GAPVD1: variants seen among roughly 807,000 people sequenced by gnomAD.
GAPVD1 encodes GTPase-activating protein and VPS9 domain-containing protein 1.
GAPVD1 carries 35 observed loss-of-function variants against 155.5 expected under a neutral mutation model. The ratio of observed to expected loss-of-function variants is 0.23; its 90% confidence interval spans 0.17 to 0.30. The LOEUF is 0.30. Ranked by LOEUF, GAPVD1 falls within the 10% of genes least tolerant of loss-of-function variation. The pLI, the probability that GAPVD1 is intolerant of heterozygous loss-of-function variation, is 1.00. For synonymous variants in GAPVD1, 636 were observed against 619.7 expected, an observed-to-expected ratio of 1.03 and a Z score of -0.39; for missense variants, 1,429 against 1,775.7, an observed-to-expected ratio of 0.80 and a Z score of 3.51.
chr9:125,338,977 T>G (rs1847454440), intron 17 of GAPVD1, among the ~76,000 whole-genome samples: 1 of 151,182 alleles, frequency 6.6e-6, no homozygotes, highest in Admixed American at 6.6e-5. Flanking sequence ...TTTTTGTTGT[T>G]GTTGTGGTTT....
chr9:125,267,328 C>T (rs1834133709), intron 1 of GAPVD1, among the ~76,000 whole-genome samples: 1 of 152,196 alleles, frequency 6.6e-6, no homozygotes, highest in Non-Finnish European at 1.5e-5. Flanking sequence ...TATCAGGGAT[C>T]ATTGCAGTCT....
At chr9:125,324,208 T>A (rs1844803368) in intron 11 of GAPVD1, among the ~76,000 whole-genome samples, 1 of 152,144 alleles carries the variant, frequency 6.6e-6, no homozygotes, top group Non-Finnish European at 1.5e-5. Context: ...CTCAAGGAAC[T>A]TAGAATAGGG....
intron 5 of GAPVD1, among the ~76,000 whole-genome samples, chr9:125,303,666 C>CT (rs1841311234): frequency 6.6e-6 from 1 of 151,132 alleles, no homozygotes; most frequent in Admixed American, 6.6e-5. Flanking sequence ...ATCCCAGTTA[C>CT]TTGGGAGGCT....
rs565847395 is a variant in GAPVD1, at chr9:125,265,384, C to G, written c.-199+3425C>G. Among the ~76,000 whole-genome samples the G allele has an allele frequency of 5.9e-5, 9 of 151,698 alleles. No homozygotes were observed. The South Asian group carries it at 1.9e-3, about 32-fold the overall frequency. ...TTACCAAGTAGCTAGGACTATAGGT[C>G]GGCACCACCACACCTGGCATTGTTT... On this transcript the variant is annotated intron_variant, in intron 1 of 27. Transcript: ENST00000297933.
chr9:125,266,314 ATTTTATTTTT>A (rs903327294), intron 1 of GAPVD1, among the ~76,000 whole-genome samples: 15 of 149,550 alleles, frequency 1.0e-4, no homozygotes, highest in East Asian at 3.9e-4. Flanking sequence ...ATTTTATTTT[ATTTTATTTTT>A]TTTTTTTTAG....
intron 6 of GAPVD1, among the ~76,000 whole-genome samples, chr9:125,305,569 C>T (rs998161123): frequency 1.3e-5 from 2 of 152,126 alleles, no homozygotes; most frequent in South Asian, 4.1e-4. Flanking sequence ...CGGGGTTTCA[C>T]CTTCTTGGCC....
At chr9:125,293,884 A>ATATATATT (rs1839350067) in intron 2 of GAPVD1, among the ~76,000 whole-genome samples, 1 of 22,678 alleles carries the variant, frequency 4.4e-5, no homozygotes, top group African/African-American at 1.7e-4. Flanking sequence ...ATATATATAT[A>ATATATATT]TATATATATA....
At position 125,349,429 on chromosome 9, in the gene GAPVD1, G is replaced by A. The variant is rs775868907; in HGVS notation, c.3209G>A (p.Arg1070His). 51 of 1,613,602 alleles carry A rather than the reference G, an allele frequency of 3.2e-5. No individual in the cohort carries two copies. Among genetic ancestry groups the A allele is most frequent in the East Asian group, 1.6e-4 (7 of 44,878 alleles). ...GDGESAHDSPRDEALQNISAD... is the reference protein window; with the variant it reads ...GDGESAHDSPHDEALQNISAD... ...GGTGAAAGTGCACATGATTCTCCCCGTGACGAAGCACTGCAGAACATCTCG... is the reference window on the plus strand; with the variant it reads ...GGTGAAAGTGCACATGATTCTCCCCATGACGAAGCACTGCAGAACATCTCG... The change falls in exon 21 of 28, where the codon CGT becomes CAT. Residue 1070 changes from arginine to histidine, a missense_variant. Transcript: ENST00000297933.
chr9:125,309,962 C>G, intron 8 of GAPVD1: 1 of 469,198 alleles, frequency 2.1e-6, no homozygotes, highest in South Asian at 1.6e-5. Context: ...GCCTGGGATT[C>G]CTCAGCTACC....
At chr9:125,336,897 C>T in intron 15 of GAPVD1, 121 bp from the exon 16 acceptor site, 1 of 597,132 alleles carries the variant, frequency 1.7e-6, no homozygotes, top group South Asian at 2.2e-5. Flanking sequence ...TTCTGGTATG[C>T]CTCTCAAGTT....
intron 15 of GAPVD1, among the ~76,000 whole-genome samples, chr9:125,335,706 C>G (rs1846823089): frequency 6.6e-6 from 1 of 151,890 alleles, no homozygotes; most frequent in Non-Finnish European, 1.5e-5. Context: ...GCCTCCCAAA[C>G]CAGAGTAGGT....
At chr9:125,320,263 G>C (rs970570525) in intron 9 of GAPVD1, among the ~76,000 whole-genome samples, 1 of 152,168 alleles carries the variant, frequency 6.6e-6, no homozygotes, top group Non-Finnish European at 1.5e-5. Flanking sequence ...TTTCAACAAA[G>C]CACTTAATTC....
intron 13 of GAPVD1, among the ~76,000 whole-genome samples, chr9:125,331,237 G>A (rs1846026178): frequency 6.7e-6 from 1 of 150,106 alleles, no homozygotes; most frequent in African/African-American, 2.5e-5. Context: ...GTCTCACTCT[G>A]TCACCCAGGC....
At chr9:125,354,347 C>T (rs1849748392) in intron 23 of GAPVD1, among the ~76,000 whole-genome samples, 2 of 152,250 alleles carry the variant, frequency 1.3e-5, no homozygotes, top group East Asian at 1.9e-4. Context: ...GTATAAAATA[C>T]ACCAAGTATG....
rs1564314778 is a variant in GAPVD1 at position 125,294,651 on chromosome 9, G to GTTT, written c.-149-807_-149-806insTTT. Among the ~76,000 whole-genome samples, 16 of 123,846 alleles carry GTTT rather than the reference G, an allele frequency of 1.3e-4. 1 individual carries two copies. The highest frequency in any genetic ancestry group is 4.6e-4 in the African/African-American group (15 of 32,654). 81.2% of individuals were successfully genotyped at this position (123,846 alleles called of 152,430 possible). ...GTGAGCCACCGTACCCAGCTAAAAT[G>GTTT]GTTTTTTTTTTTTTTTTTCAAACTT... On this transcript the variant is annotated intron_variant, in intron 2 of 27. Transcript: ENST00000297933.
chr9:125,280,396 C>CAAAAAAAA (rs750354567), intron 2 of GAPVD1, among the ~76,000 whole-genome samples: 179 of 57,122 alleles, frequency 3.1e-3, no homozygotes, highest in South Asian at 4.7e-3. Context: ...AAGTCCATCT[C>CAAAAAAAA]AAAAAAAAAA....
chr9:125,285,201 G>C (rs1387272795), intron 2 of GAPVD1, among the ~76,000 whole-genome samples: 2 of 152,160 alleles, frequency 1.3e-5, no homozygotes, highest in African/African-American at 4.8e-5. Context: ...AAACAAGTGA[G>C]TATGGCTTCA....
Position 125,330,163 on chromosome 9 carries a change from C to T in GAPVD1, c.2118C>T (p.Thr706=), listed in dbSNP as rs768850039. 2.5e-6 allele frequency: 4 copies of T among 1,612,136 alleles called. No individual in the cohort carries two copies. Among genetic ancestry groups the T allele is most frequent in the Non-Finnish European group, 3.4e-6 (4 of 1,178,482 alleles). Reference sequence around the variant, plus strand: ...TTCTTGACCCCTGCACTGGTTCTACCATATCAGAGACAACAAGTGAAGCTT... The same window carrying T: ...TTCTTGACCCCTGCACTGGTTCTACTATATCAGAGACAACAAGTGAAGCTT... ...SVLLDPCTGS[T]ISETTSEAWS... Residue 706 remains threonine (T), a synonymous_variant, in exon 13 of 28, where the codon ACC becomes ACT. Coordinates refer to ENST00000297933, the MANE Select transcript of GAPVD1 (RefSeq NM_001282680.3).
intron 1 of GAPVD1, among the ~76,000 whole-genome samples, chr9:125,264,798 A>T (rs1475322974): frequency 6.6e-6 from 1 of 151,054 alleles, no homozygotes; most frequent in East Asian, 2.0e-4. Context: ...AGCTCACTGC[A>T]AGCTCTGCCT....
Sources: gnomAD v4.1 joint callset for allele counts (sites outside exome capture counted in the v4.1 genomes callset) on GRCh38, gnomAD v4.1.1 for gene constraint, MANE v1.5 for transcripts, NCBI Gene and HGNC (gene_info 2026-07-23, HGNC 2026-07-21) for gene names.